CNNM2: variants seen among roughly 807,000 people sequenced by gnomAD.
CNNM2 encodes cyclin and CBS domain divalent metal cation transport mediator 2.
Under a neutral mutation model 66.9 loss-of-function variants are expected in CNNM2, and 12 were observed. The ratio of observed to expected loss-of-function variants is 0.18; its 90% CI spans 0.11 to 0.29. The LOEUF (loss-of-function observed/expected upper bound fraction) is 0.29. CNNM2 is among the 10% of genes least tolerant of loss of function. The pLI is 1.00. For synonymous variants in CNNM2, 557 were observed against 501.8 expected (o/e 1.11, Z -1.47); for missense variants, 705 against 1,167.7 (o/e 0.60, Z 5.77).
rs928804247 is a variant in CNNM2, at chr10:103,084,180, C to T, written c.*7000C>T. 2 of 152,200 alleles carry T rather than the reference C, an allele frequency of 1.3e-5. No individual in the cohort carries two copies. Among genetic ancestry groups the T allele is most frequent in the Admixed American group, 1.3e-4 (2 of 15,286 alleles). 9.4% of individuals were successfully genotyped at this position (152,200 alleles called of 1,614,324 possible). A position where few individuals can be genotyped will look rare whatever the true frequency, so the allele number is the denominator to read the frequency against. Reference sequence around the variant, plus strand: ...CTCTCCACTTTTAGTCTCTATTTTACATTCCAAAGAGGATCGTGCTCTGAA... The same window carrying T: ...CTCTCCACTTTTAGTCTCTATTTTATATTCCAAAGAGGATCGTGCTCTGAA... On this transcript the variant is annotated 3_prime_UTR_variant, in exon 8 of 8. Transcript: ENST00000369878.
chr10:102,941,505 A>G (rs1413941082), intron 1 of CNNM2, among the ~76,000 whole-genome samples: 1 of 152,122 alleles, frequency 6.6e-6, no homozygotes, highest in Non-Finnish European at 1.5e-5. Flanking sequence ...CTTTGGCTGC[A>G]TCTCCTACTC....
At chr10:102,976,686 T>G (rs937404856) in intron 1 of CNNM2, among the ~76,000 whole-genome samples, 4 of 144,350 alleles carry the variant, frequency 2.8e-5, no homozygotes, top group Non-Finnish European at 4.5e-5. Context: ...CAGGCTGGTC[T>G]TGAACTCCTG....
chr10:102,918,691 G>C lies in CNNM2; in HGVS notation c.211G>C (p.Glu71Gln). ...CTGCGCAGCGGTGGGCGAGAATGAG[G>C]AGACGGTGATCATCGGGCTGCGACT... Reference protein sequence around the residue: ...GGCAAVGENEETVIIGLRLED... With the variant: ...GGCAAVGENEQTVIIGLRLED... The change falls in exon 1 of 8, where the codon GAG becomes CAG. Residue 71 changes from glutamate to glutamine, a missense_variant. This residue lies in a region of CNNM2 where 37 missense variants were observed against 58.5 expected (regional missense o/e 0.63). Transcript: ENST00000369878. This position sits in a 1 kb window ranked among gnomAD's most constrained non-coding sequence, Gnocchi z 4.1. 1 of 1,557,702 alleles carries C rather than the reference G, an allele frequency of 6.4e-7. No individual in the cohort carries two copies. The highest frequency in any genetic ancestry group is 8.7e-7 in the Non-Finnish European group (1 of 1,151,314).
chr10:103,053,274 G>A (rs1004914055), intron 2 of CNNM2, among the ~76,000 whole-genome samples: 1 of 152,148 alleles, frequency 6.6e-6, no homozygotes, highest in Non-Finnish European at 1.5e-5. Flanking sequence ...CAGCACTTTG[G>A]GAGGCTGAGG....
chr10:102,976,425 CTTTTTTT>C (rs1206577839), intron 1 of CNNM2, among the ~76,000 whole-genome samples: 7 of 34,724 alleles, frequency 2.0e-4, no homozygotes, highest in African/African-American at 3.7e-4. Flanking sequence ...CAATTCTTGC[CTTTTTTT>C]TTTTTTTTTT....
chr10:103,009,042 C>T (rs1032617587), intron 1 of CNNM2, among the ~76,000 whole-genome samples: 1 of 152,042 alleles, frequency 6.6e-6, no homozygotes, highest in South Asian at 2.1e-4. Context: ...TTTGGGAGGC[C>T]GAGGCAGGCG....
chr10:103,018,392 G>A (rs1452288027), intron 1 of CNNM2, among the ~76,000 whole-genome samples: 3 of 152,166 alleles, frequency 2.0e-5, no homozygotes, highest in Non-Finnish European at 4.4e-5. Context: ...TAGACAGCCA[G>A]TGGAGATACT....
intron 1 of CNNM2, among the ~76,000 whole-genome samples, chr10:102,962,958 A>G (rs2063407015): frequency 6.6e-6 from 1 of 152,144 alleles, no homozygotes; most frequent in Admixed American, 6.6e-5. Context: ...ATCACAACAT[A>G]TTGTACTTAA....
rs1167587533 is a variant in CNNM2 at position 103,076,167 on chromosome 10, C to T, written c.2315C>T (p.Thr772Ile). 1.2e-6 allele frequency: 2 copies of T among 1,606,842 alleles called. No individual in the cohort carries two copies. The highest frequency in any genetic ancestry group is 1.7e-6 in the Non-Finnish European group (2 of 1,176,788). Residue 772 changes from threonine to isoleucine, a missense_variant, in exon 7 of 8, where the codon ACA becomes ATA. Coordinates refer to ENST00000369878, the MANE Select transcript of CNNM2 (RefSeq NM_017649.5). ...LSRSDRIDAV[T>I]PTLGSSNNQL... Reference sequence around the variant, plus strand: ...CGAAGCGACCGGATTGACGCCGTCACACCAACACTGGGGAGCAGCAATAAC... The same window carrying T: ...CGAAGCGACCGGATTGACGCCGTCATACCAACACTGGGGAGCAGCAATAAC...
At chr10:102,977,039 G>T (rs1008731849) in intron 1 of CNNM2, among the ~76,000 whole-genome samples, 3 of 152,022 alleles carry the variant, frequency 2.0e-5, no homozygotes, top group African/African-American at 7.3e-5. Context: ...GTACAGGGAG[G>T]CTCACAGTAT....
At chr10:103,061,209 A>G (rs981846194) in intron 4 of CNNM2, among the ~76,000 whole-genome samples, 1 of 152,080 alleles carries the variant, frequency 6.6e-6, no homozygotes, top group Non-Finnish European at 1.5e-5. Context: ...CCTGGCCAAC[A>G]TGGTGAAACC....
At chr10:103,034,951 C>T (rs1046323250) in intron 1 of CNNM2, among the ~76,000 whole-genome samples, 25 of 128,852 alleles carry the variant, frequency 1.9e-4, no homozygotes, top group African/African-American at 6.5e-4. Flanking sequence ...CCGGCCTGGG[C>T]GACAGAGCGA....
chr10:103,082,480 A>G lies in CNNM2; in HGVS notation c.*5300A>G, dbSNP rs557173288. ...AAGTCTGAATCTACTGTGAAGGTGA[A>G]GTTATCAATTTTTTCTTGTTTGAGT... On this transcript the variant is annotated 3_prime_UTR_variant, in exon 8 of 8. Coordinates refer to ENST00000369878, the MANE Select transcript of CNNM2 (RefSeq NM_017649.5). The G allele has an allele frequency of 3.3e-5, 5 of 152,296 alleles. No homozygotes were observed. The highest frequency in any genetic ancestry group is 5.9e-5 in the Non-Finnish European group (4 of 68,024). 9.4% of individuals were successfully genotyped at this position (152,296 alleles called of 1,614,324 possible). A position where few individuals can be genotyped will look rare whatever the true frequency, so the allele number is the denominator to read the frequency against.
chr10:103,013,350 C>T (rs575819018), intron 1 of CNNM2, among the ~76,000 whole-genome samples: 42 of 152,170 alleles, frequency 2.8e-4, no homozygotes, highest in African/African-American at 4.3e-4. Flanking sequence ...CACATTGGCA[C>T]GCAGAGCACC....
rs969907851 is a variant in CNNM2, at chr10:103,079,456, T to C, written c.*2276T>C. 1 of 152,244 alleles carries C rather than the reference T, an allele frequency of 6.6e-6. No homozygotes were observed. Among genetic ancestry groups the C allele is most frequent in the Non-Finnish European group, 1.5e-5 (1 of 68,080 alleles). 9.4% of individuals were successfully genotyped at this position (152,244 alleles called of 1,614,324 possible). A position where few individuals can be genotyped will look rare whatever the true frequency, so the allele number is the denominator to read the frequency against. On this transcript the variant is annotated 3_prime_UTR_variant, in exon 8 of 8. Coordinates refer to ENST00000369878, the MANE Select transcript of CNNM2 (RefSeq NM_017649.5). ...GGGATGCCTTGCTACTGGGAGAGCC[T>C]CTGGAATCAGAGCTAGTGTGTTGGT...
At chr10:102,978,040 G>T (rs548818315) in intron 1 of CNNM2, among the ~76,000 whole-genome samples, 23 of 152,058 alleles carry the variant, frequency 1.5e-4, no homozygotes, top group Non-Finnish European at 2.6e-4. Context: ...TTCCCAAGTA[G>T]CTGGGATTAC....
chr10:103,086,076 G>A lies in CNNM2; in HGVS notation c.*8896G>A. 6.6e-6 allele frequency: 1 copy of A among 152,612 alleles called. No individual in the cohort carries two copies. The allele number at this position is 152,612 out of a possible 1,614,324, so 9.5% of individuals were successfully genotyped here. A position where few individuals can be genotyped will look rare whatever the true frequency, so the allele number is the denominator to read the frequency against. ...GGGTTTCTGGAAGTCACCTGTTTCT[G>A]CTTTCTGGTTGCCTGTGCCTGTGGT... On this transcript the variant is annotated 3_prime_UTR_variant, in exon 8 of 8. Coordinates refer to ENST00000369878, the MANE Select transcript of CNNM2 (RefSeq NM_017649.5).
At chr10:103,022,985 A>AT (rs1302995270) in intron 1 of CNNM2, among the ~76,000 whole-genome samples, 9 of 152,022 alleles carry the variant, frequency 5.9e-5, no homozygotes. Flanking sequence ...TCACTGCAGC[A>AT]TTGACCTCCC....
At chr10:103,004,860 C>T (rs2064195430) in intron 1 of CNNM2, among the ~76,000 whole-genome samples, 2 of 152,186 alleles carry the variant, frequency 1.3e-5, no homozygotes, top group Non-Finnish European at 2.9e-5. Flanking sequence ...TTTCCACATA[C>T]AACCTGCTGG....
Sources: gnomAD v4.1 joint callset for allele counts (sites outside exome capture counted in the v4.1 genomes callset) on GRCh38, gnomAD v4.1.1 for gene constraint, gnomAD v4.1.1 regional missense constraint, Gnocchi (gnomAD v3.1) non-coding constraint, MANE v1.5 for transcripts, NCBI Gene and HGNC (gene_info 2026-07-23, HGNC 2026-07-21) for gene names.